Variants in COL4A3 observed in about 807,000 individuals in gnomAD.
The protein encoded by COL4A3 is collagen alpha-3(IV) chain.
In COL4A3, 135 loss-of-function variants were observed where a neutral mutation model predicts 217.4. The ratio of observed to expected loss-of-function variants is 0.62; its 90% CI spans 0.54 to 0.72. The LOEUF (loss-of-function observed/expected upper bound fraction) is 0.72. Ranked by LOEUF, COL4A3 falls within the 30% of genes least tolerant of loss-of-function variation. The pLI is 0.00. For missense variants in COL4A3, 1,868 were observed against 2,119.9 expected, an observed-to-expected ratio of 0.88 and a Z score of 2.33; for synonymous variants, 690 against 736.3, an observed-to-expected ratio of 0.94 and a Z score of 1.02.
At chr2:227,183,069 T>A (rs1016009837) in intron 1 of COL4A3, among the ~76,000 whole-genome samples, 7 of 152,348 alleles carry the variant, frequency 4.6e-5, no homozygotes, top group African/African-American at 1.7e-4. Flanking sequence ...ATTGGATAAA[T>A]CACTGAATTG....
At chr2:227,233,513 G>A (rs62277842) in intron 1 of COL4A3, among the ~76,000 whole-genome samples, 25,390 of 152,002 alleles carry the variant, frequency 0.17, 2,283 homozygotes, top group Admixed American at 0.21. Flanking sequence ...TAGTGTTCAT[G>A]TTTCTGTTTG....
chr2:227,291,361 A>G (rs932245866), intron 37 of COL4A3, among the ~76,000 whole-genome samples: 11 of 151,976 alleles, frequency 7.2e-5, no homozygotes, highest in Non-Finnish European at 7.4e-5. Context: ...CAGGAGATCG[A>G]GACCATCTTG....
Position 227,250,773 on chromosome 2 carries a change from G to A in COL4A3, c.547-367G>A, listed in dbSNP as rs1466707022. Among the ~76,000 whole-genome samples, 4 of 152,160 alleles carry A rather than the reference G, an allele frequency of 2.6e-5. No individual in the cohort carries two copies. Among genetic ancestry groups the A allele is most frequent in the Non-Finnish European group, 5.9e-5 (4 of 68,024 alleles). On this transcript the variant is annotated intron_variant, in intron 9 of 51. Transcript: ENST00000396578. This position sits in a 1 kb window ranked among gnomAD's most constrained non-coding sequence, Gnocchi z 4.1. ...TGAGTTATACTGATACCTGGGAAAA[G>A]GGGATTCTAGGCAGAGGGAGAGCAG... is the stretch of plus-strand genomic sequence containing the variant.
chr2:227,184,811 A>C lies in COL4A3; in HGVS notation c.87+19998A>C, dbSNP rs181358724. On this transcript the variant is annotated intron_variant, in intron 1 of 51. Coordinates refer to ENST00000396578, the MANE Select transcript of COL4A3 (RefSeq NM_000091.5). ...ATATAGAAAGACTCATCTTTTTTTCATTATGCGCATTTTAGAAAAATTCTC... is the reference window on the plus strand; with the variant it reads ...ATATAGAAAGACTCATCTTTTTTTCCTTATGCGCATTTTAGAAAAATTCTC... Among the ~76,000 whole-genome samples the C allele has an allele frequency of 7.6e-5, 11 of 145,032 alleles. No homozygotes were observed. The East Asian group carries it at 2.2e-3, about 29-fold the overall frequency.
chr2:227,211,103 C>T (rs62277834), intron 1 of COL4A3, among the ~76,000 whole-genome samples: 12,628 of 152,148 alleles, frequency 0.083, 720 homozygotes, highest in African/African-American at 0.16. Flanking sequence ...CAGGTTCAAG[C>T]GATTCTCCTG....
At chr2:227,194,646 T>C (rs1349349531) in intron 1 of COL4A3, among the ~76,000 whole-genome samples, 1 of 152,102 alleles carries the variant, frequency 6.6e-6, no homozygotes, top group African/African-American at 2.4e-5. Context: ...ATAAATGCAG[T>C]ATGCAATCAA....
At chr2:227,198,293 A>C (rs1311630788) in intron 1 of COL4A3, among the ~76,000 whole-genome samples, 1 of 152,212 alleles carries the variant, frequency 6.6e-6, no homozygotes, top group Non-Finnish European at 1.5e-5. Flanking sequence ...GATTTAATCA[A>C]GCTTGGATTT....
chr2:227,261,205 A>C (rs1324616957), intron 20 of COL4A3, 88 bp downstream of exon 20: 2 of 1,161,318 alleles, frequency 1.7e-6, no homozygotes, highest in East Asian at 2.3e-5. Context: ...TATTTACATA[A>C]GACAAATGTT....
At chr2:227,252,749 C>T (rs1380338330) in intron 11 of COL4A3, among the ~76,000 whole-genome samples, 1 of 152,090 alleles carries the variant, frequency 6.6e-6, no homozygotes, top group Non-Finnish European at 1.5e-5. Flanking sequence ...GGAAGATCTG[C>T]ATACTCAGTG....
intron 1 of COL4A3, among the ~76,000 whole-genome samples, chr2:227,171,791 T>C (rs2065483433): frequency 6.6e-6 from 1 of 152,118 alleles, no homozygotes. Flanking sequence ...TGAAATTTTA[T>C]GAGAAAGCTT....
chr2:227,276,677 C>T (rs1037852627), intron 27 of COL4A3, among the ~76,000 whole-genome samples, 200 bp downstream of exon 27: 6 of 152,272 alleles, frequency 3.9e-5, no homozygotes, highest in Non-Finnish European at 5.9e-5. Flanking sequence ...ATTATTCTCA[C>T]TGGTGCTTCT....
chr2:227,311,129 T>C (rs188932291), intron 51 of COL4A3, among the ~76,000 whole-genome samples, 181 bp downstream of exon 51: 2 of 152,334 alleles, frequency 1.3e-5, no homozygotes, highest in Admixed American at 1.3e-4. Context: ...AGTAAATTAC[T>C]TGATACAATC....
intron 1 of COL4A3, among the ~76,000 whole-genome samples, chr2:227,199,801 A>G (rs1448633042): frequency 6.6e-6 from 1 of 152,022 alleles, no homozygotes; most frequent in Admixed American, 6.5e-5. Context: ...TGCTTTTAAC[A>G]TGCATAGTTC....
chr2:227,244,423 T>A (rs2069198625), intron 4 of COL4A3, 59 bp downstream of exon 4: 3 of 1,499,368 alleles, frequency 2.0e-6, no homozygotes, highest in Non-Finnish European at 2.8e-6. Flanking sequence ...ACAGTAAGAG[T>A]TATACAAATG....
rs529964149 is a variant in COL4A3, at chr2:227,213,679, G to A, written c.88-24289G>A. Among the ~76,000 whole-genome samples the A allele has an allele frequency of 7.9e-5, 12 of 152,098 alleles. No homozygotes were observed. In the South Asian group the frequency reaches 1.7e-3, roughly 21 times the overall value. ...AGCACTTTGGGAGGCCGAGGTAGGCGGATCACAAGGTCAGGAGATCAAGAC... is the reference window on the plus strand; with the variant it reads ...AGCACTTTGGGAGGCCGAGGTAGGCAGATCACAAGGTCAGGAGATCAAGAC... On this transcript the variant is annotated intron_variant, in intron 1 of 51. Coordinates refer to ENST00000396578, the MANE Select transcript of COL4A3 (RefSeq NM_000091.5).
intron 1 of COL4A3, among the ~76,000 whole-genome samples, chr2:227,172,041 A>G (rs2125640754): frequency 6.6e-6 from 1 of 152,288 alleles, no homozygotes; most frequent in East Asian, 1.9e-4. Flanking sequence ...ATACGTGTTC[A>G]CTTGAGACAT....
At position 227,314,746 on chromosome 2, in the gene COL4A3, A is replaced by G. The variant is rs2073850007; in HGVS notation, c.*2876A>G. 1 of 151,930 alleles carries G rather than the reference A, an allele frequency of 6.6e-6. No homozygotes were observed. The highest frequency in any genetic ancestry group is 2.4e-5 in the African/African-American group (1 of 41,400). The allele number at this position is 151,930 out of a possible 1,614,324, so 9.4% of individuals were successfully genotyped here. ...TAATATTTCTGTAATTATATCTAAAATATTATTTTATTATATTGCCTAAGA... is the reference window on the plus strand; with the variant it reads ...TAATATTTCTGTAATTATATCTAAAGTATTATTTTATTATATTGCCTAAGA... On this transcript the variant is annotated 3_prime_UTR_variant, in exon 52 of 52. Transcript: ENST00000396578.
intron 3 of COL4A3, 84 bp from the exon 4 acceptor site, chr2:227,244,235 GA>G: frequency 9.1e-7 from 1 of 1,095,428 alleles, no homozygotes. Flanking sequence ...CTTGGCATGT[GA>G]CTGAGACTGG....
At chr2:227,194,628 TAAA>T (rs2066399203) in intron 1 of COL4A3, among the ~76,000 whole-genome samples, 2 of 151,856 alleles carry the variant, frequency 1.3e-5, no homozygotes, top group Non-Finnish European at 2.9e-5. Flanking sequence ...CTTAATAAAA[TAAA>T]GAAGATAAAT....
Sources: allele counts gnomAD v4.1 joint callset (sites outside exome capture counted in the v4.1 genomes callset), GRCh38; gene constraint gnomAD v4.1.1; non-coding constraint Gnocchi (gnomAD v3.1); transcripts MANE v1.5; gene names NCBI Gene and HGNC (gene_info 2026-07-23, HGNC 2026-07-21).